COL5A1: variants seen among roughly 807,000 people sequenced by gnomAD.
The protein encoded by COL5A1 is collagen alpha-1(V) chain.
A neutral mutation model predicts 263.7 loss-of-function variants in COL5A1; 16 were observed. The ratio of observed to expected loss-of-function variants is 0.06; its 90% CI spans 0.04 to 0.09. The LOEUF (loss-of-function observed/expected upper bound fraction) is 0.09, where lower values mean the gene tolerates loss of function less well. Ranked by LOEUF, COL5A1 falls within the 10% of genes least tolerant of loss-of-function variation. The probability of loss-of-function intolerance (pLI) is 1.00; values close to 1 mark genes in which losing one functional copy is unlikely to be tolerated. For synonymous variants in COL5A1, 1,012 were observed against 1,004.5 expected (o/e 1.01, Z -0.14); for missense variants, 2,036 against 2,540.5 (o/e 0.80, Z 4.27).
At position 134,810,403 on chromosome 9, in the gene COL5A1, G is replaced by A. The variant is rs34571096; in HGVS notation, c.3528+95G>A. 58,173 of 1,226,590 alleles carry A rather than the reference G, an allele frequency of 0.047. 1,573 individuals are homozygous for A. Among genetic ancestry groups the A allele is most frequent in the Non-Finnish European group, 0.056 (47,203 of 843,262 alleles). 76.0% of individuals were successfully genotyped at this position (1,226,590 alleles called of 1,614,324 possible). A position where few individuals can be genotyped will look rare whatever the true frequency, so the allele number is the denominator to read the frequency against. ...TGTGCCATGCACGTTCTCTTCCAACGTTGCTGATGACTAGCGGGACATGCT... is the reference window on the plus strand; with the variant it reads ...TGTGCCATGCACGTTCTCTTCCAACATTGCTGATGACTAGCGGGACATGCT... On this transcript the variant is annotated intron_variant, in intron 44 of 65. Coordinates refer to ENST00000371817, the MANE Select transcript of COL5A1 (RefSeq NM_000093.5).
At position 134,760,707 on chromosome 9, in the gene COL5A1, C is replaced by A. The variant is rs201420709; in HGVS notation, c.1936-1218C>A. On this transcript the variant is annotated intron_variant, in intron 18 of 65. Coordinates refer to ENST00000371817, the MANE Select transcript of COL5A1 (RefSeq NM_000093.5). ...CACACTCATACATGCACACACACAC[C>A]CACACACCCATACACACATGCACAC... Among the ~76,000 whole-genome samples the A allele has an allele frequency of 4.4e-3, 623 of 140,188 alleles. 21 individuals are homozygous for A. In the East Asian group the frequency reaches 0.092, roughly 21 times the overall value. 92.0% of individuals were successfully genotyped at this position (140,188 alleles called of 152,430 possible).
intron 2 of COL5A1, among the ~76,000 whole-genome samples, chr9:134,694,409 G>A (rs1039478698): frequency 3.3e-5 from 5 of 152,364 alleles, no homozygotes; most frequent in Middle Eastern, 3.4e-3. Context: ...GGGTGCCAGG[G>A]AGACACAGCC....
chr9:134,647,191 C>T lies in COL5A1; in HGVS notation c.109+4895C>T, dbSNP rs1231438832. Among the ~76,000 whole-genome samples the T allele has an allele frequency of 6.6e-6, 1 of 152,198 alleles. No individual in the cohort carries two copies. Among genetic ancestry groups the T allele is most frequent in the Admixed American group, 6.5e-5 (1 of 15,290 alleles). On this transcript the variant is annotated intron_variant, in intron 1 of 65. Coordinates refer to ENST00000371817, the MANE Select transcript of COL5A1 (RefSeq NM_000093.5). The surrounding 1 kb of genome is among the most constrained non-coding windows in gnomAD (Gnocchi z 5.0). The stretch of plus-strand genomic sequence containing the variant: ...TGGCCCTGCTGAGACCCCTGGGGCT[C>T]TGCTGTTGCCCGCTTAGCCGGTCTC...
intron 49 of COL5A1, 61 bp from the exon 50 acceptor site, chr9:134,814,736 C>T (rs1838672974): frequency 3.0e-6 from 4 of 1,314,114 alleles, no homozygotes; most frequent in East Asian, 2.5e-5. Flanking sequence ...GGGAGGCCCA[C>T]CTTGCTCTGG....
At chr9:134,806,139 C>A in intron 41 of COL5A1, 50 bp from the exon 42 acceptor site, 1 of 1,362,786 alleles carries the variant, frequency 7.3e-7, no homozygotes, top group Middle Eastern at 1.9e-4. Context: ...AAGTCACGAC[C>A]ACGCAGTCTG....
intron 2 of COL5A1, among the ~76,000 whole-genome samples, chr9:134,698,374 C>T (rs1036723371): frequency 5.7e-4 from 87 of 152,384 alleles, no homozygotes; most frequent in African/African-American, 2.0e-3. Flanking sequence ...GTGAGAGATT[C>T]GTGACTGCAG....
intron 11 of COL5A1, among the ~76,000 whole-genome samples, chr9:134,740,982 C>T (rs1228741824): frequency 6.6e-6 from 1 of 152,078 alleles, no homozygotes; most frequent in Non-Finnish European, 1.5e-5. Flanking sequence ...CCCCAGGGCC[C>T]TTCCAGTGAG....
At position 134,715,977 on chromosome 9, in the gene COL5A1, CTGGTGGTGGTGG is replaced by C. The variant is rs58511351; in HGVS notation, c.655-11271_655-11260del. ...GGTAGTGATGAAGATGATGGTGATG[CTGGTGGTGGTGG>C]TGGTGGTGGTGGTGGTGATGATGTT... On this transcript the variant is annotated intron_variant, in intron 4 of 65. Transcript: ENST00000371817. 2.4e-3 allele frequency among the ~76,000 whole-genome samples: 356 copies of C among 149,684 alleles called. 1 individual carries two copies. The highest frequency in any genetic ancestry group is 0.01 in the Middle Eastern group (3 of 294).
chr9:134,837,947 C>T (rs1336698445), intron 65 of COL5A1, among the ~76,000 whole-genome samples: 1 of 152,218 alleles, frequency 6.6e-6, no homozygotes, highest in Non-Finnish European at 1.5e-5. Context: ...ATAGCCCCTT[C>T]CTGGCATAGC....
At position 134,842,030 on chromosome 9, in the gene COL5A1, C is replaced by T; in HGVS notation, c.5371-127C>T. On this transcript the variant is annotated intron_variant, in intron 65 of 65. Coordinates refer to ENST00000371817, the MANE Select transcript of COL5A1 (RefSeq NM_000093.5). The surrounding 1 kb of genome is among the most constrained non-coding windows in gnomAD (Gnocchi z 5.8). The stretch of plus-strand genomic sequence containing the variant: ...CCTCCAACACTTGCCCGGGCAAGCG[C>T]AGCCCTGGGTAGGAGACAGGACACC... 9.4e-7 allele frequency: 1 copy of T among 1,069,106 alleles called. No individual in the cohort carries two copies. Among genetic ancestry groups the T allele is most frequent in the Non-Finnish European group, 1.4e-6 (1 of 705,336 alleles). The allele number at this position is 1,069,106 out of a possible 1,614,324, so 66.2% of individuals were successfully genotyped here. A position where few individuals can be genotyped will look rare whatever the true frequency, so the allele number is the denominator to read the frequency against.
rs188390939 is a variant in COL5A1 at position 134,781,898 on chromosome 9, G to T, written c.2431-769G>T. ...AGCCGGGCCTTGAATGTTTACGACCGGCTGAGTCCCCAGATCCTGTCCTTT... is the reference window on the plus strand; with the variant it reads ...AGCCGGGCCTTGAATGTTTACGACCTGCTGAGTCCCCAGATCCTGTCCTTT... On this transcript the variant is annotated intron_variant, in intron 28 of 65. Transcript: ENST00000371817. 2.7e-4 allele frequency among the ~76,000 whole-genome samples: 41 copies of T among 152,276 alleles called. No individual in the cohort carries two copies. In the South Asian group the frequency reaches 8.3e-3, roughly 31 times the overall value.
chr9:134,655,904 G>A (rs1465579660), intron 1 of COL5A1, among the ~76,000 whole-genome samples: 1 of 152,198 alleles, frequency 6.6e-6, no homozygotes, highest in Non-Finnish European at 1.5e-5. Flanking sequence ...CAGAGGGCTG[G>A]TACCAAGACA....
intron 4 of COL5A1, among the ~76,000 whole-genome samples, chr9:134,723,688 C>T (rs1189066151): frequency 6.6e-6 from 1 of 152,122 alleles, no homozygotes; most frequent in Non-Finnish European, 1.5e-5. Flanking sequence ...TGGCTGCACC[C>T]TTCTGGATGG....
intron 2 of COL5A1, among the ~76,000 whole-genome samples, chr9:134,699,525 G>A (rs1833596910): frequency 6.7e-6 from 1 of 149,602 alleles, no homozygotes. Context: ...ACCTCATGGA[G>A]CGTACTAAGA....
chr9:134,829,866 G>A, intron 63 of COL5A1, 110 bp from the exon 64 acceptor site: 1 of 1,236,342 alleles, frequency 8.1e-7, no homozygotes, highest in Non-Finnish European at 1.2e-6. Flanking sequence ...CCCCCGGCGT[G>A]AGGATGCAGG....
At chr9:134,667,701 C>A (rs1832402479) in intron 1 of COL5A1, among the ~76,000 whole-genome samples, 1 of 152,202 alleles carries the variant, frequency 6.6e-6, no homozygotes, top group Non-Finnish European at 1.5e-5. Context: ...AGGAAGCCAG[C>A]CCAGACACAA....
chr9:134,705,073 A>G (rs929096710), intron 4 of COL5A1, among the ~76,000 whole-genome samples: 2 of 152,212 alleles, frequency 1.3e-5, no homozygotes, highest in African/African-American at 4.8e-5. Flanking sequence ...GCTCATTCAA[A>G]GCCAATCTGT....
chr9:134,828,091 GCCGGC>G (rs1055411637), intron 63 of COL5A1, among the ~76,000 whole-genome samples: 4 of 152,198 alleles, frequency 2.6e-5, no homozygotes, highest in African/African-American at 9.6e-5. Context: ...CTGGGGACAG[GCCGGC>G]CCTGGGGGCC....
chr9:134,709,027 A>T (rs912318380), intron 4 of COL5A1: 16 of 445,764 alleles, frequency 3.6e-5, no homozygotes, highest in African/African-American at 3.0e-4. Context: ...TTTAGGGCCC[A>T]TCCTAATCTA....
Sources: allele counts gnomAD v4.1 joint callset (sites outside exome capture counted in the v4.1 genomes callset), GRCh38; gene constraint gnomAD v4.1.1; non-coding constraint Gnocchi (gnomAD v3.1); transcripts MANE v1.5; gene names NCBI Gene and HGNC (gene_info 2026-07-23, HGNC 2026-07-21).